Variants in ITPR1 observed in about 807,000 individuals in gnomAD.
The protein encoded by ITPR1 is inositol 1,4,5-trisphosphate receptor type 1.
Under a neutral mutation model 318.4 loss-of-function variants are expected in ITPR1, and 96 were observed. The observed-to-expected ratio is 0.30, with a 90% CI of 0.26 to 0.36. The LOEUF is 0.36. Among genes scored for constraint, ITPR1 ranks in the 10% least tolerant of loss-of-function variants. ITPR1 has a pLI of 1.00. For synonymous variants in ITPR1, 1,312 were observed against 1,289.9 expected (o/e 1.02, Z -0.37); for missense variants, 2,440 against 3,460.2 (o/e 0.71, Z 7.40).
At chr3:4,551,644 C>A (rs778514493) in intron 4 of ITPR1, among the ~76,000 whole-genome samples, 1 of 152,226 alleles carries the variant, frequency 6.6e-6, no homozygotes, top group Non-Finnish European at 1.5e-5. Flanking sequence ...CAGCAAACAT[C>A]TGCCAAACCC....
At chr3:4,828,870 T>C (rs766310471) in intron 60 of ITPR1, among the ~76,000 whole-genome samples, 1 of 152,172 alleles carries the variant, frequency 6.6e-6, no homozygotes, top group Non-Finnish European at 1.5e-5. Context: ...ACTGACACCT[T>C]GATTTATGCC....
chr3:4,646,889 C>G (rs1559605997), intron 10 of ITPR1, among the ~76,000 whole-genome samples: 1 of 152,068 alleles, frequency 6.6e-6, no homozygotes, highest in Non-Finnish European at 1.5e-5. Flanking sequence ...TTTTCCTCCT[C>G]CCTAGCTTCA....
rs1369061682 is a variant in ITPR1 at position 4,783,866 on chromosome 3, A to T, written c.6561A>T (p.Gln2187His). ...AGAGCATGCTGAAACCTGGTGGCCA[A>T]GTGGACGGAGATGAAGCCCTGGAGT... ...ELQSMLKPGG[Q>H]VDGDEALEFY... The change falls in exon 51 of 62, where the codon CAA becomes CAT. Residue 2187 changes from glutamine (Q) to histidine (H), a missense_variant. Physicochemically the swap from Gln to His is conservative, Grantham distance 24. Coordinates refer to ENST00000649015, the MANE Select transcript of ITPR1 (RefSeq NM_001378452.1). 6 of 1,610,570 alleles carry T rather than the reference A, an allele frequency of 3.7e-6. No homozygotes were observed. Among genetic ancestry groups the T allele is most frequent in the Admixed American group, 1.7e-5 (1 of 59,626 alleles).
intron 44 of ITPR1, among the ~76,000 whole-genome samples, chr3:4,738,280 C>G (rs1482088152): frequency 6.6e-6 from 1 of 152,134 alleles, no homozygotes; most frequent in Non-Finnish European, 1.5e-5. Context: ...TTTACTGTAC[C>G]TATGTTATAT....
At position 4,538,724 on chromosome 3, in the gene ITPR1, G is replaced by C. The variant is rs145529302; in HGVS notation, c.163+17630G>C. On this transcript the variant is annotated intron_variant, in intron 4 of 61. Transcript: ENST00000649015. ...TGGAATACTATGCAGCTATAAAAAGGAACAAGATCATGTCCTTTGCAGGGA... is the reference window on the plus strand; with the variant it reads ...TGGAATACTATGCAGCTATAAAAAGCAACAAGATCATGTCCTTTGCAGGGA... Among the ~76,000 whole-genome samples, 1,388 of 152,236 alleles carry C rather than the reference G, an allele frequency of 9.1e-3. 22 individuals are homozygous for C. Among genetic ancestry groups the C allele is most frequent in the African/African-American group, 0.032 (1,318 of 41,524 alleles).
intron 5 of ITPR1, among the ~76,000 whole-genome samples, chr3:4,638,508 A>G (rs761019313): frequency 1.5e-4 from 23 of 152,214 alleles, no homozygotes; most frequent in African/African-American, 4.1e-4. Flanking sequence ...CCCCCCTAGC[A>G]TGTCACATTT....
chr3:4,721,162 G>C (rs1290193292), intron 40 of ITPR1, among the ~76,000 whole-genome samples: 2 of 66,674 alleles, frequency 3.0e-5, no homozygotes, highest in Non-Finnish European at 5.4e-5. Flanking sequence ...GTAGATACGT[G>C]TGTGTGCGTG....
At chr3:4,795,396 A>G (rs549858342) in intron 53 of ITPR1, among the ~76,000 whole-genome samples, 2 of 152,336 alleles carry the variant, frequency 1.3e-5, no homozygotes, top group African/African-American at 4.8e-5. Flanking sequence ...TTTTTTAACC[A>G]GGAAAGAAAG....
chr3:4,564,046 A>G (rs1186350109), intron 4 of ITPR1, among the ~76,000 whole-genome samples: 2 of 151,708 alleles, frequency 1.3e-5, no homozygotes, highest in African/African-American at 4.8e-5. Flanking sequence ...GGTTCAAGCG[A>G]TTCTCTTGCC....
At chr3:4,552,743 G>C (rs1437627803) in intron 4 of ITPR1, among the ~76,000 whole-genome samples, 1 of 152,092 alleles carries the variant, frequency 6.6e-6, no homozygotes, top group East Asian at 1.9e-4. Flanking sequence ...TCCTCTTTCT[G>C]GGCTGAAAGC....
chr3:4,516,348 C>T, intron 2 of ITPR1, 128 bp from the exon 3 acceptor site: 1 of 538,574 alleles, frequency 1.9e-6, no homozygotes, highest in South Asian at 2.8e-5. Flanking sequence ...GCCTGTCAAA[C>T]TGTTATTTAA....
chr3:4,567,489 G>A (rs540736984), intron 4 of ITPR1, among the ~76,000 whole-genome samples: 1 of 152,288 alleles, frequency 6.6e-6, no homozygotes, highest in African/African-American at 2.4e-5. Context: ...TAGACTCCAA[G>A]TCGAAACTGA....
intron 34 of ITPR1, among the ~76,000 whole-genome samples, chr3:4,699,186 T>TA (rs34470493): frequency 1.5e-3 from 223 of 146,154 alleles, no homozygotes; most frequent in Middle Eastern, 0.01. Context: ...CCATCTCTAC[T>TA]AAAAAAAAAA....
chr3:4,619,522 C>T (rs955227465), intron 4 of ITPR1, among the ~76,000 whole-genome samples: 6 of 149,460 alleles, frequency 4.0e-5, no homozygotes, highest in African/African-American at 1.5e-4. Flanking sequence ...TCTGCCCCTT[C>T]TCCAACTTCC....
intron 47 of ITPR1, 75 bp downstream of exon 47, chr3:4,775,517 A>T: frequency 8.6e-7 from 1 of 1,156,412 alleles, no homozygotes; most frequent in Non-Finnish European, 1.3e-6. Context: ...CTAGTTCAGA[A>T]ATCACGAAGC....
intron 37 of ITPR1, among the ~76,000 whole-genome samples, chr3:4,707,510 T>C (rs2094785044): frequency 6.6e-6 from 1 of 152,238 alleles, no homozygotes; most frequent in African/African-American, 2.4e-5. Flanking sequence ...ATTGTTGTTA[T>C]GACCTAGTTT....
intron 12 of ITPR1, among the ~76,000 whole-genome samples, chr3:4,655,297 T>C (rs185165205): frequency 7.6e-4 from 115 of 152,266 alleles, no homozygotes; most frequent in Non-Finnish European, 1.9e-4. Flanking sequence ...CTGTGGATCC[T>C]TTCGGTGAGC....
At chr3:4,702,119 A>G (rs932015024) in intron 35 of ITPR1, among the ~76,000 whole-genome samples, 7 of 147,196 alleles carry the variant, frequency 4.8e-5, no homozygotes, top group African/African-American at 1.7e-4. Context: ...TAATTTTTTA[A>G]TGTACTCAGA....
At chr3:4,683,924 C>A in intron 28 of ITPR1, 126 bp downstream of exon 28, 1 of 802,962 alleles carries the variant, frequency 1.2e-6, no homozygotes, top group Non-Finnish European at 1.9e-6. Flanking sequence ...CTTGTTAAGT[C>A]ACCAAGATCA....
Sources: gnomAD v4.1 joint callset for allele counts (sites outside exome capture counted in the v4.1 genomes callset) on GRCh38, gnomAD v4.1.1 for gene constraint, MANE v1.5 for transcripts, NCBI Gene and HGNC (gene_info 2026-07-23, HGNC 2026-07-21) for gene names.